Variants in ERC2 observed in about 807,000 individuals in gnomAD.
ERC2 encodes ELKS/RAB6-interacting/CAST family member 2.
A neutral mutation model predicts 114.8 loss-of-function variants in ERC2; 42 were observed. That is an observed-to-expected ratio of 0.37 (90% CI 0.29 to 0.47). The LOEUF is 0.47. Ranked by LOEUF, ERC2 falls within the 20% of genes least tolerant of loss-of-function variation. ERC2 has a pLI of 0.99. For missense variants in ERC2, 939 were observed against 1,150.7 expected, an observed-to-expected ratio of 0.82 and a Z score of 2.66; for synonymous variants, 454 against 425.5, an observed-to-expected ratio of 1.07 and a Z score of -0.82.
At chr3:55,966,279 C>T (rs1333174813) in intron 12 of ERC2, among the ~76,000 whole-genome samples, 2 of 152,130 alleles carry the variant, frequency 1.3e-5, no homozygotes, top group Non-Finnish European at 2.9e-5. Flanking sequence ...AGGAACTTTA[C>T]CTAGTGGGAT....
chr3:56,232,809 C>T (rs923929743), intron 3 of ERC2, among the ~76,000 whole-genome samples: 6 of 152,194 alleles, frequency 3.9e-5, no homozygotes, highest in Non-Finnish European at 7.3e-5. Context: ...CTCTTTGCTG[C>T]ACCTTCTACA....
At chr3:56,322,513 A>G (rs113862944) in intron 2 of ERC2, among the ~76,000 whole-genome samples, 155 of 152,312 alleles carry the variant, frequency 1.0e-3, no homozygotes, top group Middle Eastern at 3.4e-3. Context: ...TACTCTTGAG[A>G]CTTCTACTTC....
At chr3:55,763,891 A>T (rs1447076191) in intron 14 of ERC2, among the ~76,000 whole-genome samples, 1 of 152,188 alleles carries the variant, frequency 6.6e-6, no homozygotes. Context: ...AAAATAAAGC[A>T]CAATATTACA....
At chr3:55,544,575 CAG>C (rs2054614899) in intron 17 of ERC2, among the ~76,000 whole-genome samples, 1 of 152,148 alleles carries the variant, frequency 6.6e-6, no homozygotes, top group African/African-American at 2.4e-5. Flanking sequence ...TCTCACTTAC[CAG>C]AGTCACTTAG....
Position 55,874,810 on chromosome 3 carries a change from C to A in ERC2, c.2564+13579G>T, listed in dbSNP as rs549017998. On this transcript the variant is annotated intron_variant, in intron 14 of 17. Coordinates refer to ENST00000288221, the MANE Select transcript of ERC2 (RefSeq NM_015576.3). ...TGGACAGCCGTTACCACGTATCAGG[C>A]TGAAGGAGCAAAGGGAGAAATGAAT... Among the ~76,000 whole-genome samples the A allele has an allele frequency of 8.5e-4, 130 of 152,202 alleles. 1 individual carries two copies. Among genetic ancestry groups the A allele is most frequent in the African/African-American group, 3.0e-3 (124 of 41,536 alleles).
In ERC2 at chr3:56,121,843, C is replaced by G. The variant is rs186530279; in HGVS notation, c.1473+17666G>C. ...GGAAACTACAATGTTTGAGGCTTACCGTGCCCAGGAGTTTCAATTCCTCCC... is the reference window on the plus strand; with the variant it reads ...GGAAACTACAATGTTTGAGGCTTACGGTGCCCAGGAGTTTCAATTCCTCCC... On this transcript the variant is annotated intron_variant, in intron 6 of 17. Coordinates refer to ENST00000288221, the MANE Select transcript of ERC2 (RefSeq NM_015576.3). Among the ~76,000 whole-genome samples, 34 of 152,084 alleles carry G rather than the reference C, an allele frequency of 2.2e-4. 1 individual carries two copies. In the South Asian group the frequency reaches 2.3e-3, roughly 10 times the overall value.
intron 17 of ERC2, among the ~76,000 whole-genome samples, chr3:55,543,818 G>A (rs145773506): frequency 5.6e-4 from 86 of 152,298 alleles, no homozygotes; most frequent in Non-Finnish European, 1.1e-3. Context: ...CGGAACTACA[G>A]CTTGCATGTC....
At chr3:55,988,480 T>C (rs953058712) in intron 11 of ERC2, among the ~76,000 whole-genome samples, 3 of 152,228 alleles carry the variant, frequency 2.0e-5, no homozygotes, top group African/African-American at 7.2e-5. Flanking sequence ...AAGAGGTAAA[T>C]GCATTGTGTA....
intron 2 of ERC2, among the ~76,000 whole-genome samples, chr3:56,430,014 C>A (rs1166114638): frequency 6.6e-6 from 1 of 152,186 alleles, no homozygotes; most frequent in Non-Finnish European, 1.5e-5. Flanking sequence ...GGTTAGTTAG[C>A]ATTATATTTA....
intron 17 of ERC2, among the ~76,000 whole-genome samples, chr3:55,642,825 A>C (rs1322342838): frequency 2.0e-5 from 3 of 152,198 alleles, no homozygotes; most frequent in African/African-American, 4.8e-5. Context: ...CTCAAGACTA[A>C]GCAGTTCAGA....
intron 13 of ERC2, among the ~76,000 whole-genome samples, chr3:55,921,206 C>A (rs1014336715): frequency 6.6e-6 from 1 of 152,088 alleles, no homozygotes; most frequent in African/African-American, 2.4e-5. Context: ...TAATTACCCA[C>A]CAACATGAAT....
intron 2 of ERC2, among the ~76,000 whole-genome samples, chr3:56,300,038 A>G (rs2055758726): frequency 1.3e-5 from 2 of 152,162 alleles, no homozygotes; most frequent in Admixed American, 6.5e-5. Context: ...TTGTCCCCAC[A>G]TCTACGCAGT....
intron 14 of ERC2, among the ~76,000 whole-genome samples, chr3:55,823,473 G>C (rs1026005766): frequency 1.3e-5 from 2 of 151,942 alleles, no homozygotes; most frequent in African/African-American, 2.4e-5. Context: ...CCTGTCTCAG[G>C]GTGGGCATTT....
intron 7 of ERC2, chr3:56,072,055 C>T (rs2076763703): frequency 6.6e-6 from 1 of 152,246 alleles, no homozygotes; most frequent in African/African-American, 2.4e-5. Context: ...TTAATTAGCA[C>T]TAGAACCCTT....
intron 16 of ERC2, among the ~76,000 whole-genome samples, chr3:55,686,789 C>T (rs532462393): frequency 2.1e-4 from 32 of 152,184 alleles, no homozygotes; most frequent in Admixed American, 1.3e-3. Context: ...GTTCTGAATG[C>T]TGCTCGGTGT....
chr3:55,812,722 C>T (rs1279603286), intron 14 of ERC2, among the ~76,000 whole-genome samples: 1 of 152,176 alleles, frequency 6.6e-6, no homozygotes, highest in Non-Finnish European at 1.5e-5. Context: ...ACACAAAACC[C>T]AGGGTCATGG....
intron 14 of ERC2, among the ~76,000 whole-genome samples, chr3:55,743,665 T>C (rs2066123981): frequency 6.6e-6 from 1 of 151,220 alleles, no homozygotes; most frequent in Non-Finnish European, 1.5e-5. Flanking sequence ...CCTATTATGA[T>C]TTTTTAAAAA....
At chr3:56,050,275 C>G (rs1355906274) in intron 7 of ERC2, among the ~76,000 whole-genome samples, 1 of 152,138 alleles carries the variant, frequency 6.6e-6, no homozygotes, top group Non-Finnish European at 1.5e-5. Context: ...ACCACTAAGA[C>G]TCAAGGGAAG....
chr3:55,673,534 G>T (rs1397152265), intron 17 of ERC2, among the ~76,000 whole-genome samples: 3 of 152,054 alleles, frequency 2.0e-5, no homozygotes, highest in African/African-American at 7.2e-5. Context: ...AGTCAGCCAA[G>T]ATCACACCAC....
Sources: gnomAD v4.1 joint callset for allele counts (sites outside exome capture counted in the v4.1 genomes callset) on GRCh38, gnomAD v4.1.1 for gene constraint, MANE v1.5 for transcripts, NCBI Gene and HGNC (gene_info 2026-07-23, HGNC 2026-07-21) for gene names.